PCDH15: variants seen among roughly 807,000 people sequenced by gnomAD.
The protein encoded by PCDH15 is protocadherin related 15.
PCDH15 carries 129 observed loss-of-function variants against 178.5 expected under a neutral mutation model. That is an observed-to-expected ratio of 0.72 (90% CI 0.63 to 0.84). The LOEUF (loss-of-function observed/expected upper bound fraction) is 0.84, where lower values mean the gene tolerates loss of function less well. Ranked by LOEUF, PCDH15 falls within the 40% of genes least tolerant of loss-of-function variation. The pLI is 0.00. For missense variants in PCDH15, 2,230 were observed against 2,099.9 expected, an observed-to-expected ratio of 1.06 and a Z score of -1.21; for synonymous variants, 800 against 732.0, an observed-to-expected ratio of 1.09 and a Z score of -1.50.
At chr10:55,120,486 C>T (rs1486751414) in intron 2 of PCDH15, among the ~76,000 whole-genome samples, 1 of 151,750 alleles carries the variant, frequency 6.6e-6, no homozygotes, top group Non-Finnish European at 1.5e-5. Context: ...AAATAGAAGC[C>T]CCAGGACTGA....
At chr10:54,520,242 A>G (rs1291785585) in intron 3 of PCDH15, among the ~76,000 whole-genome samples, 3 of 152,332 alleles carry the variant, frequency 2.0e-5, no homozygotes, top group Admixed American at 1.3e-4. Context: ...GAGCTTCTGC[A>G]AAGCAAAAGA....
rs575112974 is a variant in PCDH15, at chr10:54,952,394, G to A, written c.-79-54894C>T. ...GTGTTTCCACCAATATCACACTGTC[G>A]TGATTGGTGTAGCTTTATAATACAC... On this transcript the variant is annotated intron_variant, in intron 2 of 5. Transcript: ENST00000458638. Among the ~76,000 whole-genome samples, 29 of 151,854 alleles carry A rather than the reference G, an allele frequency of 1.9e-4. No individual in the cohort carries two copies. The South Asian group carries it at 2.7e-3, about 14-fold the overall frequency.
chr10:54,525,402 C>T (rs966370692), intron 3 of PCDH15, among the ~76,000 whole-genome samples: 13 of 152,112 alleles, frequency 8.5e-5, no homozygotes, highest in Admixed American at 2.0e-4. Context: ...TTAAAAGATA[C>T]TGGAAAGGAG....
chr10:54,638,049 C>T (rs1361096478), intron 2 of PCDH15, among the ~76,000 whole-genome samples: 2 of 151,972 alleles, frequency 1.3e-5, no homozygotes, highest in Non-Finnish European at 2.9e-5. Flanking sequence ...CAGACAGACA[C>T]CGTGATTTTC....
At chr10:54,624,066 T>C (rs1041941283) in intron 2 of PCDH15, among the ~76,000 whole-genome samples, 2 of 152,164 alleles carry the variant, frequency 1.3e-5, no homozygotes, top group African/African-American at 4.8e-5. Context: ...ATCATGGGTT[T>C]AGATTATAAA....
intron 2 of PCDH15, among the ~76,000 whole-genome samples, chr10:55,443,532 A>G (rs569970305): frequency 6.6e-6 from 1 of 152,320 alleles, no homozygotes; most frequent in East Asian, 1.9e-4. Context: ...ATATGAAATA[A>G]AAGCTCATCA....
intron 1 of PCDH15, among the ~76,000 whole-genome samples, chr10:55,308,861 G>C (rs138973026): frequency 2.6e-5 from 4 of 152,128 alleles, no homozygotes; most frequent in African/African-American, 9.7e-5. Context: ...CAGTTTCAAA[G>C]GTAAGCTATT....
chr10:55,351,241 TCTC>T (rs1332218021), intron 2 of PCDH15, among the ~76,000 whole-genome samples: 2 of 151,638 alleles, frequency 1.3e-5, no homozygotes, highest in Admixed American at 6.6e-5. Flanking sequence ...CTCATTCACT[TCTC>T]CTCCCTTTAT....
chr10:54,233,057 C>T (rs753404557), intron 9 of PCDH15, among the ~76,000 whole-genome samples: 1 of 151,760 alleles, frequency 6.6e-6, no homozygotes, highest in Non-Finnish European at 1.5e-5. Context: ...GATTCTCCCA[C>T]CTTAGCCTCC....
chr10:53,871,879 C>T (rs916411153), intron 26 of PCDH15, among the ~76,000 whole-genome samples: 37 of 151,980 alleles, frequency 2.4e-4, no homozygotes, highest in African/African-American at 8.5e-4. Flanking sequence ...TTAGCCTCCC[C>T]AGCAGCTGGG....
intron 2 of PCDH15, among the ~76,000 whole-genome samples, chr10:55,538,312 C>T (rs191958809): frequency 5.8e-4 from 88 of 152,336 alleles, no homozygotes; most frequent in African/African-American, 2.0e-3. Flanking sequence ...ATCACTCCTC[C>T]CCATCCAGAC....
chr10:55,239,553 TA>T (rs1485351352), intron 1 of PCDH15, among the ~76,000 whole-genome samples: 2 of 152,194 alleles, frequency 1.3e-5, no homozygotes, highest in Admixed American at 6.5e-5. Flanking sequence ...CAAAACTGAT[TA>T]AACACTTAAA....
intron 17 of PCDH15, among the ~76,000 whole-genome samples, chr10:54,073,682 A>C (rs1385520512): frequency 6.6e-6 from 1 of 152,214 alleles, no homozygotes; most frequent in Non-Finnish European, 1.5e-5. Context: ...TTTTACAGAA[A>C]TCAAACCATG....
intron 26 of PCDH15, among the ~76,000 whole-genome samples, chr10:53,883,394 G>A (rs1900429): frequency 0.64 from 97,173 of 151,902 alleles, 31,732 homozygotes; most frequent in Middle Eastern, 0.78. Flanking sequence ...ATTATTTAAA[G>A]AGATATATTT....
intron 2 of PCDH15, among the ~76,000 whole-genome samples, chr10:55,150,535 C>G (rs1838680673): frequency 6.6e-6 from 1 of 152,004 alleles, no homozygotes; most frequent in African/African-American, 2.4e-5. Flanking sequence ...GTGAATGATT[C>G]AATTATTTGC....
chr10:55,161,197 CA>C (rs1460753477), intron 2 of PCDH15, among the ~76,000 whole-genome samples: 2 of 152,050 alleles, frequency 1.3e-5, no homozygotes, highest in Non-Finnish European at 2.9e-5. Flanking sequence ...TTATTCTCTG[CA>C]AAAAGTTATT....
chr10:53,821,166 T>A (rs1416506688), intron 32 of PCDH15: 1 of 971,900 alleles, frequency 1.0e-6, no homozygotes, highest in Non-Finnish European at 1.2e-6. Flanking sequence ...ATAAAGAGAA[T>A]AAGACAGCAA....
At chr10:54,570,285 A>T (rs1371238118) in intron 2 of PCDH15, among the ~76,000 whole-genome samples, 1 of 152,180 alleles carries the variant, frequency 6.6e-6, no homozygotes, top group African/African-American at 2.4e-5. Flanking sequence ...AATAGTTTTA[A>T]AAAATAATGA....
At chr10:55,421,242 G>C (rs1838613690) in intron 2 of PCDH15, among the ~76,000 whole-genome samples, 1 of 151,020 alleles carries the variant, frequency 6.6e-6, no homozygotes, top group Non-Finnish European at 1.5e-5. Flanking sequence ...GAGGCAAGAA[G>C]ATAAGACCAT....
Sources: allele counts gnomAD v4.1 joint callset (sites outside exome capture counted in the v4.1 genomes callset), GRCh38; gene constraint gnomAD v4.1.1; transcripts MANE v1.5; gene names NCBI Gene and HGNC (gene_info 2026-07-23, HGNC 2026-07-21).